KCND2: variants seen among roughly 807,000 people sequenced by gnomAD.
The protein encoded by KCND2 is potassium voltage-gated channel subfamily D member 2, also known as A-type voltage-gated potassium channel KCND2.
A neutral mutation model predicts 54.4 loss-of-function variants in KCND2; 16 were observed. The observed-to-expected ratio is 0.29, with a 90% CI of 0.20 to 0.45. KCND2 has a LOEUF of 0.45. Among genes scored for constraint, KCND2 ranks in the 20% least tolerant of loss-of-function variants. KCND2 has a pLI of 1.00. For missense variants in KCND2, 486 were observed against 824.2 expected (o/e 0.59, Z 5.02); for synonymous variants, 317 against 310.7 (o/e 1.02, Z -0.21).
At chr7:120,533,927 C>A (rs1420630595) in intron 1 of KCND2, among the ~76,000 whole-genome samples, 1 of 152,128 alleles carries the variant, frequency 6.6e-6, no homozygotes, top group African/African-American at 2.4e-5. Context: ...AATGGTGAGG[C>A]CAAGAAGCTT....
chr7:120,515,942 T>A (rs897251413), intron 1 of KCND2, among the ~76,000 whole-genome samples: 3 of 152,088 alleles, frequency 2.0e-5, no homozygotes, highest in African/African-American at 7.2e-5. Flanking sequence ...GAGGGTAGAT[T>A]TGACCCATGA....
At chr7:120,460,085 T>C (rs1272948922) in intron 1 of KCND2, among the ~76,000 whole-genome samples, 4 of 152,158 alleles carry the variant, frequency 2.6e-5, no homozygotes, top group Non-Finnish European at 5.9e-5. Context: ...TTGCTCCAAC[T>C]TGAAAAGAGA....
chr7:120,589,369 C>T (rs1792642089), intron 1 of KCND2, among the ~76,000 whole-genome samples: 1 of 152,148 alleles, frequency 6.6e-6, no homozygotes, highest in African/African-American at 2.4e-5. Context: ...AAAAAATACA[C>T]ATTTAATAGA....
At chr7:120,488,826 A>G (rs1366265701) in intron 1 of KCND2, among the ~76,000 whole-genome samples, 1 of 152,112 alleles carries the variant, frequency 6.6e-6, no homozygotes, top group Non-Finnish European at 1.5e-5. Flanking sequence ...AAACCGACAC[A>G]TCAATTATGA....
chr7:120,341,244 C>A (rs560119028), intron 1 of KCND2, among the ~76,000 whole-genome samples: 5 of 152,236 alleles, frequency 3.3e-5, no homozygotes, highest in African/African-American at 1.2e-4. Flanking sequence ...TGAAATAGTT[C>A]TCCAAGATAG....
At chr7:120,351,786 CTTTTTCTTT>C (rs1173114748) in intron 1 of KCND2, among the ~76,000 whole-genome samples, 2 of 151,606 alleles carry the variant, frequency 1.3e-5, no homozygotes, top group African/African-American at 4.8e-5. Context: ...CTTTTCTTTT[CTTTTTCTTT>C]TTTTTCTTTT....
intron 1 of KCND2, among the ~76,000 whole-genome samples, chr7:120,430,212 C>T (rs543179403): frequency 3.9e-5 from 6 of 152,170 alleles, no homozygotes; most frequent in Non-Finnish European, 8.8e-5. Flanking sequence ...GGCTTGCAGT[C>T]TTCTTAGGAC....
chr7:120,309,930 T>A (rs1221974304), intron 1 of KCND2, among the ~76,000 whole-genome samples: 1 of 152,242 alleles, frequency 6.6e-6, no homozygotes, highest in Admixed American at 6.5e-5. Flanking sequence ...TTACACACAC[T>A]GTTCCTTCTA....
rs1168486615 is a variant in KCND2 at position 120,595,902 on chromosome 7, G to A, written c.1116-137001G>A. On this transcript the variant is annotated intron_variant, in intron 1 of 5. Transcript: ENST00000331113. ...AGGAAAGCGGAAAGGAGGGAGGGAG[G>A]GAGGCAGGCAGGCAGGCAGGCAGGA... is the stretch of plus-strand genomic sequence containing the variant. Among the ~76,000 whole-genome samples the A allele has an allele frequency of 2.6e-5, 4 of 151,478 alleles. No individual in the cohort carries two copies. In the East Asian group the frequency reaches 5.8e-4, roughly 22 times the overall value.
chr7:120,452,097 T>C (rs1056605235), intron 1 of KCND2, among the ~76,000 whole-genome samples: 5 of 152,236 alleles, frequency 3.3e-5, no homozygotes, highest in African/African-American at 1.2e-4. Flanking sequence ...TACAAGTATA[T>C]AGAACATATG....
At chr7:120,500,527 ACTT>A (rs1802915934) in intron 1 of KCND2, among the ~76,000 whole-genome samples, 1 of 152,066 alleles carries the variant, frequency 6.6e-6, no homozygotes, top group South Asian at 2.1e-4. Flanking sequence ...AGGTATTTGT[ACTT>A]CTTTGAAATT....
At chr7:120,705,303 G>T (rs1466767102) in intron 1 of KCND2, among the ~76,000 whole-genome samples, 1 of 152,132 alleles carries the variant, frequency 6.6e-6, no homozygotes, top group African/African-American at 2.4e-5. Flanking sequence ...TCTTGTCCTT[G>T]CATTCAAAAA....
intron 1 of KCND2, among the ~76,000 whole-genome samples, chr7:120,290,947 T>C (rs1799427494): frequency 1.3e-5 from 2 of 151,964 alleles, no homozygotes; most frequent in South Asian, 4.1e-4. Context: ...AAGAGTGTAT[T>C]CTGGGCACAG....
intron 1 of KCND2, among the ~76,000 whole-genome samples, chr7:120,488,261 C>T (rs1218042879): frequency 6.6e-6 from 1 of 152,002 alleles, no homozygotes; most frequent in Admixed American, 6.6e-5. Context: ...GCCAAGAAAA[C>T]AGTAACAATG....
chr7:120,279,098 A>T (rs1359889397), intron 1 of KCND2, among the ~76,000 whole-genome samples: 1 of 151,968 alleles, frequency 6.6e-6, no homozygotes, highest in Non-Finnish European at 1.5e-5. Context: ...GTTATTTTTC[A>T]TTTAGATTGT....
At chr7:120,403,582 G>A (rs1801299799) in intron 1 of KCND2, among the ~76,000 whole-genome samples, 1 of 151,038 alleles carries the variant, frequency 6.6e-6, no homozygotes, top group Non-Finnish European at 1.5e-5. Flanking sequence ...CACCTGCCTA[G>A]GCCTCCCAAA....
rs536526023 is a variant in KCND2 at position 120,341,033 on chromosome 7, G to C, written c.1115+65286G>C. 3.9e-5 allele frequency among the ~76,000 whole-genome samples: 6 copies of C among 152,254 alleles called. 1 individual carries two copies. In the South Asian group the frequency reaches 1.2e-3, roughly 32 times the overall value. On this transcript the variant is annotated intron_variant, in intron 1 of 5. Transcript: ENST00000331113. ...GAATTGTATTTGTGCATAAGGGAAG[G>C]TTTTACTGAGGAGAGAATATTTTTA...
At chr7:120,702,874 C>A (rs1212653066) in intron 1 of KCND2, among the ~76,000 whole-genome samples, 1 of 150,434 alleles carries the variant, frequency 6.6e-6, no homozygotes, top group Middle Eastern at 3.4e-3. Flanking sequence ...TGTACAATAA[C>A]CCCCCCGTCA....
chr7:120,629,830 G>A (rs1793211101), intron 1 of KCND2, among the ~76,000 whole-genome samples: 1 of 152,044 alleles, frequency 6.6e-6, no homozygotes, highest in African/African-American at 2.4e-5. Flanking sequence ...GTTTTTAGTC[G>A]GGACAACTAG....
Sources: gnomAD v4.1 joint callset for allele counts (sites outside exome capture counted in the v4.1 genomes callset) on GRCh38, gnomAD v4.1.1 for gene constraint, MANE v1.5 for transcripts, NCBI Gene and HGNC (gene_info 2026-07-23, HGNC 2026-07-21) for gene names.